ZUP1: variants seen among roughly 807,000 people sequenced by gnomAD.
ZUP1 encodes the protein zinc finger containing ubiquitin peptidase 1.
Under a neutral mutation model 68.1 loss-of-function variants are expected in ZUP1, and 55 were observed. That is an observed-to-expected ratio of 0.81 (90% confidence interval 0.65 to 1.01). The LOEUF is 1.01. ZUP1 is among the 50% of genes least tolerant of loss of function. ZUP1 has a pLI of 0.00. For synonymous variants in ZUP1, 223 were observed against 221.5 expected, an observed-to-expected ratio of 1.01 and a Z score of -0.06; for missense variants, 684 against 674.9, an observed-to-expected ratio of 1.01 and a Z score of -0.15.
chr6:116,650,422 C>CAAAAAAA (rs61692064), intron 7 of ZUP1, among the ~76,000 whole-genome samples: 9 of 46,540 alleles, frequency 1.9e-4, no homozygotes, highest in African/African-American at 5.5e-4. Context: ...AACTCCGTCT[C>CAAAAAAA]AAAAAAAAAA....
chr6:116,650,180 C>T lies in ZUP1; in HGVS notation c.1316+1392G>A, dbSNP rs1225770629. ...GCTCAAGCCTGTAATCCTAGCACTT[C>T]GGGAAGCCGAGGCGGGTGGATCACC... On this transcript the variant is annotated intron_variant, in intron 7 of 9. Transcript: ENST00000368576. Among the ~76,000 whole-genome samples the T allele has an allele frequency of 2.6e-5, 4 of 152,054 alleles. No homozygotes were observed. The South Asian group carries it at 8.3e-4, about 32-fold the overall frequency.
intron 6 of ZUP1, 108 bp from the exon 7 acceptor site, chr6:116,651,845 T>A: frequency 7.0e-7 from 1 of 1,422,312 alleles, no homozygotes; most frequent in East Asian, 2.4e-5. Flanking sequence ...AGACAGTTAT[T>A]CCTGACATCT....
chr6:116,652,764 C>A (rs72959962), intron 5 of ZUP1, among the ~76,000 whole-genome samples: 3,479 of 152,072 alleles, frequency 0.023, 69 homozygotes, highest in Middle Eastern at 0.099. Context: ...TTGTTTGAGA[C>A]AACAGAAGAC....
At chr6:116,655,372 G>A (rs959466939) in intron 5 of ZUP1, among the ~76,000 whole-genome samples, 1 of 152,086 alleles carries the variant, frequency 6.6e-6, no homozygotes, top group African/African-American at 2.4e-5. Context: ...ATATTTTATG[G>A]AAATGTACAT....
chr6:116,645,601 AGAAAAAGAATAG>A (rs2115388757), intron 9 of ZUP1, 101 bp downstream of exon 9: 1 of 794,906 alleles, frequency 1.3e-6, no homozygotes, highest in South Asian at 2.1e-5. Flanking sequence ...AAAAAAAAAA[AGAAAAAGAATAG>A]AAAAAAAAGA....
At chr6:116,653,938 C>T (rs1277130849) in intron 5 of ZUP1, among the ~76,000 whole-genome samples, 2 of 151,868 alleles carry the variant, frequency 1.3e-5, no homozygotes, top group Non-Finnish European at 2.9e-5. Flanking sequence ...TAGATATTTT[C>T]CACAGTAAAT....
In ZUP1 at chr6:116,652,078, C is replaced by A; in HGVS notation, c.1076G>T (p.Gly359Val). The A allele has an allele frequency of 6.2e-7, 1 of 1,613,966 alleles. No individual in the cohort carries two copies. Among genetic ancestry groups the A allele is most frequent in the Non-Finnish European group, 8.5e-7 (1 of 1,179,892 alleles). Residue 359 changes from glycine to valine, a missense_variant, in exon 6 of 10, where the codon GGT becomes GTT. By Grantham distance (109) the Gly-to-Val change is moderately radical (BLOSUM62 -3). Coordinates refer to ENST00000368576, the MANE Select transcript of ZUP1 (RefSeq NM_145062.3). Reference protein sequence around the residue: ...FHSSLGDKGWGCGYRNFQMLL... With the variant: ...FHSSLGDKGWVCGYRNFQMLL... Reference sequence around the variant, plus strand: ...CATTTGGAAATTTCTGTAACCACAACCCCAACCTTTGTCGCCTAAAGATGA... The same window carrying A: ...CATTTGGAAATTTCTGTAACCACAAACCCAACCTTTGTCGCCTAAAGATGA...
chr6:116,657,182 TCAAGG>T (rs1458381716), intron 4 of ZUP1, among the ~76,000 whole-genome samples: 1 of 152,204 alleles, frequency 6.6e-6, no homozygotes, highest in Non-Finnish European at 1.5e-5. Context: ...GCTGATTTTT[TCAAGG>T]AAACTTGTCA....
intron 3 of ZUP1, 134 bp from the exon 4 acceptor site, chr6:116,659,058 G>T: frequency 1.3e-6 from 1 of 781,684 alleles, no homozygotes; most frequent in Middle Eastern, 3.9e-4. Context: ...ATATGGAACT[G>T]AGTACAAATT....
intron 5 of ZUP1, among the ~76,000 whole-genome samples, chr6:116,652,836 T>C (rs1387860046): frequency 6.6e-6 from 1 of 152,102 alleles, no homozygotes; most frequent in Admixed American, 6.6e-5. Context: ...TAAACCTAAT[T>C]AGAATAGTTC....
intron 5 of ZUP1, 114 bp from the exon 6 acceptor site, chr6:116,652,306 T>C: frequency 1.3e-6 from 1 of 789,740 alleles, no homozygotes. Flanking sequence ...GTTAATTCCA[T>C]CTTCTTCACC....
At chr6:116,654,967 G>A (rs1009519521) in intron 5 of ZUP1, among the ~76,000 whole-genome samples, 3 of 152,032 alleles carry the variant, frequency 2.0e-5, no homozygotes, top group Non-Finnish European at 2.9e-5. Context: ...AGATTTGCAC[G>A]CCCTTTAACT....
At chr6:116,652,968 T>C (rs983872662) in intron 5 of ZUP1, among the ~76,000 whole-genome samples, 19 of 152,118 alleles carry the variant, frequency 1.2e-4, no homozygotes, top group African/African-American at 4.1e-4. Flanking sequence ...ATTTGGCCCA[T>C]AGAGTTTTAT....
Position 116,647,509 on chromosome 6 carries a change from C to G in ZUP1, c.1418G>C (p.Ser473Thr). The G allele has an allele frequency of 6.3e-7, 1 of 1,598,616 alleles. No homozygotes were observed. The highest frequency in any genetic ancestry group is 8.6e-7 in the Non-Finnish European group (1 of 1,169,554). Residue 473 changes from serine (S) to threonine (T), a missense_variant, in exon 8 of 10, where the codon AGT becomes ACT. Transcript: ENST00000368576. Reference protein sequence around the residue: ...LNYYSSEGEGSPKVVCTSKPP... With the variant: ...LNYYSSEGEGTPKVVCTSKPP... ...TTTAGATGTACACACTACCTTTGGACTCCCTTCTCCCTCTGAAGAATAATA... is the reference window on the plus strand; with the variant it reads ...TTTAGATGTACACACTACCTTTGGAGTCCCTTCTCCCTCTGAAGAATAATA...
intron 5 of ZUP1, among the ~76,000 whole-genome samples, chr6:116,652,616 G>T (rs1019274365): frequency 6.6e-6 from 1 of 151,832 alleles, no homozygotes; most frequent in Non-Finnish European, 1.5e-5. Flanking sequence ...TGCAATTTTC[G>T]AAGCATGAGA....
intron 5 of ZUP1, among the ~76,000 whole-genome samples, chr6:116,653,767 A>G (rs6923075): frequency 0.36 from 54,698 of 151,728 alleles, 10,530 homozygotes; most frequent in African/African-American, 0.5. Context: ...GAGGTGGAGT[A>G]GGGGACAGAA....
chr6:116,664,937 T>A (rs1178006847), intron 2 of ZUP1, among the ~76,000 whole-genome samples: 1 of 151,626 alleles, frequency 6.6e-6, no homozygotes, highest in Non-Finnish European at 1.5e-5. Flanking sequence ...AGTGAAAATA[T>A]AAAACATTAA....
chr6:116,638,038 C>G (rs1243262295), intron 9 of ZUP1, among the ~76,000 whole-genome samples: 3 of 130,462 alleles, frequency 2.3e-5, no homozygotes, highest in Non-Finnish European at 4.6e-5. Context: ...TGCACTCCAG[C>G]TTGGGTGACA....
At chr6:116,649,738 G>A (rs900607289) in intron 7 of ZUP1, among the ~76,000 whole-genome samples, 1 of 152,054 alleles carries the variant, frequency 6.6e-6, no homozygotes, top group African/African-American at 2.4e-5. Flanking sequence ...GTAACCTTCC[G>A]CCTTCCACCT....
Sources: allele counts gnomAD v4.1 joint callset (sites outside exome capture counted in the v4.1 genomes callset), GRCh38; gene constraint gnomAD v4.1.1; transcripts MANE v1.5; gene names NCBI Gene and HGNC (gene_info 2026-07-23, HGNC 2026-07-21).